ZNF385B: variants seen among roughly 807,000 people sequenced by gnomAD.
The protein encoded by ZNF385B is zinc finger protein 385B, also known as zinc finger protein 533.
A neutral mutation model predicts 39.2 loss-of-function variants in ZNF385B; 23 were observed. The observed-to-expected ratio is 0.59, with a 90% confidence interval of 0.42 to 0.83. ZNF385B has a LOEUF of 0.83. ZNF385B is among the 40% of genes least tolerant of loss of function. The pLI, the probability that ZNF385B is intolerant of heterozygous loss-of-function variation, is 0.00. For synonymous variants in ZNF385B, 205 were observed against 222.6 expected (o/e 0.92, Z 0.70); for missense variants, 552 against 598.9 (o/e 0.92, Z 0.82).
At chr2:179,721,506 A>G (rs1239160411) in intron 3 of ZNF385B, among the ~76,000 whole-genome samples, 2 of 152,158 alleles carry the variant, frequency 1.3e-5, no homozygotes, top group Non-Finnish European at 2.9e-5. Flanking sequence ...ACAAAACCAT[A>G]TCAGCAAAAT....
At chr2:179,575,792 G>GT (rs1007375805) in intron 3 of ZNF385B, among the ~76,000 whole-genome samples, 3 of 150,032 alleles carry the variant, frequency 2.0e-5, no homozygotes, top group South Asian at 2.1e-4. Context: ...AAAGACTTTT[G>GT]TTTTTTTTTA....
intron 6 of ZNF385B, among the ~76,000 whole-genome samples, chr2:179,479,393 T>C (rs2053755253): frequency 6.6e-6 from 1 of 152,180 alleles, no homozygotes; most frequent in African/African-American, 2.4e-5. Flanking sequence ...CAGATCTGGA[T>C]ACAACATGAA....
chr2:179,718,950 C>CTGTGTG (rs150262834), intron 3 of ZNF385B, among the ~76,000 whole-genome samples: 174 of 150,026 alleles, frequency 1.2e-3, no homozygotes, highest in Middle Eastern at 3.4e-3. Context: ...CTTTAAAACT[C>CTGTGTG]TGTGTGTGTG....
rs151106221 is a variant in ZNF385B, at chr2:179,596,602, A to G, written c.299-51633T>C. Reference sequence around the variant, plus strand: ...ACTGAAGCCCTCTAAGTTGGTATCTATTAGGCACAACTTTAGTGTCTTAGG... The same window carrying G: ...ACTGAAGCCCTCTAAGTTGGTATCTGTTAGGCACAACTTTAGTGTCTTAGG... On this transcript the variant is annotated intron_variant, in intron 3 of 9. Transcript: ENST00000410066. Among the ~76,000 whole-genome samples, 460 of 152,276 alleles carry G rather than the reference A, an allele frequency of 3.0e-3. 4 individuals carry two copies. Among genetic ancestry groups the G allele is most frequent in the African/African-American group, 0.011 (437 of 41,556 alleles).
At chr2:179,630,026 G>A (rs528036822) in intron 3 of ZNF385B, among the ~76,000 whole-genome samples, 135 of 152,386 alleles carry the variant, frequency 8.9e-4, no homozygotes, top group African/African-American at 3.1e-3. Context: ...CTCAAACTGG[G>A]CGGAGCCCAC....
At chr2:179,725,572 T>C (rs1700953504) in intron 3 of ZNF385B, among the ~76,000 whole-genome samples, 1 of 151,664 alleles carries the variant, frequency 6.6e-6, no homozygotes, top group East Asian at 1.9e-4. Context: ...TTTCACAGTA[T>C]AGTTTTGATA....
intron 1 of ZNF385B, among the ~76,000 whole-genome samples, chr2:179,811,573 G>A (rs140106362): frequency 6.6e-6 from 1 of 152,114 alleles, no homozygotes; most frequent in African/African-American, 2.4e-5. Context: ...TTCAGTAAAT[G>A]GTGCTGAGAT....
chr2:179,627,351 A>G (rs1690751907), intron 3 of ZNF385B, among the ~76,000 whole-genome samples: 1 of 152,130 alleles, frequency 6.6e-6, no homozygotes. Context: ...ATGAAGGATC[A>G]CTCATTGCAA....
intron 6 of ZNF385B, among the ~76,000 whole-genome samples, chr2:179,451,251 TAA>T (rs71029810): frequency 7.4e-5 from 10 of 134,828 alleles, no homozygotes; most frequent in Non-Finnish European, 9.6e-5. Context: ...AAAGTATAAT[TAA>T]AAAAAAAAAA....
At chr2:179,483,578 A>C in intron 5 of ZNF385B, 144 bp from the exon 6 acceptor site, 1 of 1,067,110 alleles carries the variant, frequency 9.4e-7, no homozygotes, top group South Asian at 1.5e-5. Flanking sequence ...GCACTTCATG[A>C]AATGGTAGAC....
chr2:179,667,142 G>C (rs561009061), intron 3 of ZNF385B, among the ~76,000 whole-genome samples: 33 of 152,182 alleles, frequency 2.2e-4, no homozygotes, highest in Admixed American at 6.5e-4. Context: ...CCACCAAAAG[G>C]GAAAGATTCT....
intron 5 of ZNF385B, among the ~76,000 whole-genome samples, chr2:179,502,064 C>G (rs2056809576): frequency 6.6e-6 from 1 of 152,184 alleles, no homozygotes; most frequent in Non-Finnish European, 1.5e-5. Context: ...GGGTTTTGGA[C>G]TTGGGTGGTG....
At chr2:179,715,358 G>T (rs528617524) in intron 3 of ZNF385B, among the ~76,000 whole-genome samples, 1 of 152,176 alleles carries the variant, frequency 6.6e-6, no homozygotes, top group East Asian at 1.9e-4. Context: ...CCAGATATTT[G>T]CTCTTTAGTC....
chr2:179,568,834 AGAG>A, intron 3 of ZNF385B, among the ~76,000 whole-genome samples: 1 of 152,358 alleles, frequency 6.6e-6, no homozygotes, highest in South Asian at 2.1e-4. Context: ...AAGGAATGGC[AGAG>A]GTCTTAGCTA....
At chr2:179,713,432 G>T (rs957674751) in intron 3 of ZNF385B, among the ~76,000 whole-genome samples, 98 of 152,088 alleles carry the variant, frequency 6.4e-4, no homozygotes, top group African/African-American at 2.3e-3. Flanking sequence ...TTTTCAACTA[G>T]TTAGCTCCTA....
chr2:179,772,053 T>C (rs562246617), intron 1 of ZNF385B, among the ~76,000 whole-genome samples: 1 of 152,312 alleles, frequency 6.6e-6, no homozygotes, highest in South Asian at 2.1e-4. Context: ...CACACGGTAT[T>C]TCATAGACAC....
intron 1 of ZNF385B, among the ~76,000 whole-genome samples, chr2:179,786,283 G>T (rs1039795340): frequency 6.6e-6 from 1 of 152,034 alleles, no homozygotes; most frequent in Non-Finnish European, 1.5e-5. Flanking sequence ...GTGGTGGTCT[G>T]GAATCCAACC....
At chr2:179,769,353 C>G in intron 3 of ZNF385B, 150 bp downstream of exon 3, 1 of 1,245,618 alleles carries the variant, frequency 8.0e-7, no homozygotes, top group South Asian at 1.5e-5. Flanking sequence ...TGACAAACAG[C>G]TCATGTATTT....
intron 1 of ZNF385B, among the ~76,000 whole-genome samples, chr2:179,819,940 A>T (rs1427336902): frequency 6.6e-6 from 1 of 152,232 alleles, no homozygotes; most frequent in Admixed American, 6.5e-5. Context: ...GTCTGGAGAT[A>T]GATCGAAATC....
Sources: allele counts gnomAD v4.1 joint callset (sites outside exome capture counted in the v4.1 genomes callset), GRCh38; gene constraint gnomAD v4.1.1; transcripts MANE v1.5; gene names NCBI Gene and HGNC (gene_info 2026-07-23, HGNC 2026-07-21).